Variants in NRXN3 observed in about 807,000 individuals in gnomAD.
The protein encoded by NRXN3 is neurexin III.
A neutral mutation model predicts 137.6 loss-of-function variants in NRXN3; 32 were observed. That is an observed-to-expected ratio of 0.23 (90% confidence interval 0.18 to 0.31). NRXN3 has a LOEUF of 0.31. Ranked by LOEUF, NRXN3 falls within the 10% of genes least tolerant of loss-of-function variation. The probability of loss-of-function intolerance (pLI) is 1.00; values close to 1 mark genes in which losing one functional copy is unlikely to be tolerated. For missense variants in NRXN3, 1,574 were observed against 2,062.5 expected (o/e 0.76, Z 4.59); for synonymous variants, 798 against 784.5 (o/e 1.02, Z -0.29).
rs146739566 is a variant in NRXN3 at position 78,656,178 on chromosome 14, G to A, written c.1221+4852G>A. Among the ~76,000 whole-genome samples the A allele has an allele frequency of 1.9e-3, 296 of 152,260 alleles. 1 individual carries two copies. Among genetic ancestry groups the A allele is most frequent in the African/African-American group, 6.7e-3 (279 of 41,546 alleles). On this transcript the variant is annotated intron_variant, in intron 6 of 20. Coordinates refer to ENST00000335750, the MANE Select transcript of NRXN3 (RefSeq NM_001330195.2). ...TAAAATACAAATATGAGTCAAACAT[G>A]TTTCCTGCTTTAGAGGAACTCACAT...
chr14:79,337,107 GA>G (rs1289827598), intron 15 of NRXN3, among the ~76,000 whole-genome samples: 1 of 152,058 alleles, frequency 6.6e-6, no homozygotes, highest in African/African-American at 2.4e-5. Context: ...AAATTTCCTG[GA>G]CTTAACTGTT....
chr14:78,980,781 A>G (rs1466524126), intron 14 of NRXN3, among the ~76,000 whole-genome samples: 1 of 152,216 alleles, frequency 6.6e-6, no homozygotes, highest in Non-Finnish European at 1.5e-5. Flanking sequence ...AAACCAAAGT[A>G]CTAACACCAT....
At chr14:79,101,335 G>A (rs1480954432) in intron 15 of NRXN3, among the ~76,000 whole-genome samples, 1 of 152,156 alleles carries the variant, frequency 6.6e-6, no homozygotes, top group East Asian at 1.9e-4. Context: ...TCCAATTCAA[G>A]CTTAAGTTTT....
chr14:79,713,077 G>A (rs935776388), intron 19 of NRXN3, among the ~76,000 whole-genome samples: 1 of 150,958 alleles, frequency 6.6e-6, no homozygotes, highest in African/African-American at 2.4e-5. Context: ...AAATTTAAAA[G>A]CATCCGTCCA....
intron 10 of NRXN3, among the ~76,000 whole-genome samples, chr14:78,859,587 A>G (rs1052408496): frequency 2.6e-5 from 4 of 152,150 alleles, no homozygotes; most frequent in Non-Finnish European, 5.9e-5. Context: ...CACACTTTGT[A>G]GCAATTCCCT....
At chr14:78,754,487 C>G (rs1373562020) in intron 8 of NRXN3, among the ~76,000 whole-genome samples, 1 of 152,238 alleles carries the variant, frequency 6.6e-6, no homozygotes, top group Non-Finnish European at 1.5e-5. Context: ...CATATTTTCT[C>G]AAACACAAAT....
At position 79,504,277 on chromosome 14, in the gene NRXN3, G is replaced by T. The variant is rs929570064; in HGVS notation, c.3444+36875G>T. Among the ~76,000 whole-genome samples the T allele has an allele frequency of 2.2e-4, 34 of 152,064 alleles. 1 individual carries two copies. Among genetic ancestry groups the T allele is most frequent in the Admixed American group, 1.3e-4 (2 of 15,266 alleles). ...CCATTACATTTTTTTGAGACAGATT[G>T]TTATTCTCTGACAGATTGTTATTCC... On this transcript the variant is annotated intron_variant, in intron 16 of 20. Transcript: ENST00000335750.
At chr14:78,260,847 C>T (rs772441357) in intron 2 of NRXN3, among the ~76,000 whole-genome samples, 2 of 152,158 alleles carry the variant, frequency 1.3e-5, no homozygotes, top group Non-Finnish European at 2.9e-5. Flanking sequence ...TAAGAGTAGA[C>T]TAATACACAA....
At chr14:78,427,101 C>T (rs2093693218) in intron 4 of NRXN3, among the ~76,000 whole-genome samples, 2 of 152,012 alleles carry the variant, frequency 1.3e-5, no homozygotes, top group African/African-American at 4.8e-5. Context: ...AAGGTAAGGG[C>T]AAGTCTAGGA....
intron 10 of NRXN3, among the ~76,000 whole-genome samples, chr14:78,947,981 T>C (rs1021523594): frequency 2.0e-5 from 3 of 152,248 alleles, no homozygotes; most frequent in Admixed American, 1.3e-4. Flanking sequence ...TCCTAGGTAA[T>C]TGACGTTACC....
In NRXN3 at chr14:79,780,007, T is replaced by A. The variant is rs570302344; in HGVS notation, c.4015-25105T>A. Among the ~76,000 whole-genome samples, 14 of 152,162 alleles carry A rather than the reference T, an allele frequency of 9.2e-5. No individual in the cohort carries two copies. The East Asian group carries it at 2.7e-3, about 29-fold the overall frequency. On this transcript the variant is annotated intron_variant, in intron 19 of 20. Coordinates refer to ENST00000335750, the MANE Select transcript of NRXN3 (RefSeq NM_001330195.2). ...AGCCTCCCAAAGTTCTGGGATTACA[T>A]GTGTGAGCCACCACGCCCACCCTTC...
chr14:78,495,488 A>G (rs2095762639), intron 4 of NRXN3, among the ~76,000 whole-genome samples: 1 of 152,192 alleles, frequency 6.6e-6, no homozygotes, highest in South Asian at 2.1e-4. Context: ...ACTATGTGCC[A>G]GGCTTTACAC....
At chr14:79,178,167 G>A (rs1482172847) in intron 15 of NRXN3, among the ~76,000 whole-genome samples, 1 of 152,140 alleles carries the variant, frequency 6.6e-6, no homozygotes, top group Non-Finnish European at 1.5e-5. Flanking sequence ...GCCTGGGGTT[G>A]GGCAGCCTGA....
At chr14:78,766,782 T>A (rs372227750) in intron 8 of NRXN3, among the ~76,000 whole-genome samples, 3 of 152,326 alleles carry the variant, frequency 2.0e-5, no homozygotes, top group South Asian at 4.1e-4. Context: ...ATAGACCTCC[T>A]TGAATTTGAA....
At chr14:79,192,400 CAGG>C (rs1158333347) in intron 15 of NRXN3, among the ~76,000 whole-genome samples, 1 of 152,138 alleles carries the variant, frequency 6.6e-6, no homozygotes, top group African/African-American at 2.4e-5. Flanking sequence ...GAGGAACCAT[CAGG>C]AGGTGTAGGT....
chr14:79,084,729 C>T (rs2047758952), intron 15 of NRXN3, among the ~76,000 whole-genome samples: 1 of 152,038 alleles, frequency 6.6e-6, no homozygotes, highest in Admixed American at 6.6e-5. Flanking sequence ...GTTATTTCTC[C>T]AGTCATCAAT....
At chr14:78,223,963 C>T (rs1596075311) in intron 1 of NRXN3, among the ~76,000 whole-genome samples, 3 of 152,278 alleles carry the variant, frequency 2.0e-5, no homozygotes, top group East Asian at 1.9e-4. Flanking sequence ...GAACTAGGCA[C>T]GGGGATCAAG....
Position 79,144,065 on chromosome 14 carries a change from G to A in NRXN3, c.3262+155924G>A, listed in dbSNP as rs1033593967. ...TTCATTGTTAGAAATAGCCAAGAAG[G>A]CACTTACGTTGTGGGACACTCATCC... On this transcript the variant is annotated intron_variant, in intron 15 of 20. Transcript: ENST00000335750. Among the ~76,000 whole-genome samples, 3 of 152,158 alleles carry A rather than the reference G, an allele frequency of 2.0e-5. No individual in the cohort carries two copies. In the South Asian group the frequency reaches 6.2e-4, roughly 32 times the overall value.
At chr14:78,858,717 G>T (rs949124394) in intron 10 of NRXN3, among the ~76,000 whole-genome samples, 6 of 152,084 alleles carry the variant, frequency 3.9e-5, no homozygotes, top group Non-Finnish European at 8.8e-5. Flanking sequence ...GGTTTCCGGA[G>T]GACTTTTTTG....
Sources: gnomAD v4.1 joint callset for allele counts (sites outside exome capture counted in the v4.1 genomes callset) on GRCh38, gnomAD v4.1.1 for gene constraint, MANE v1.5 for transcripts, NCBI Gene and HGNC (gene_info 2026-07-23, HGNC 2026-07-21) for gene names.